CNTNAP4: variants seen among roughly 807,000 people sequenced by gnomAD.
CNTNAP4 encodes the protein contactin associated protein family member 4, also known as contactin-associated protein-like 4.
In CNTNAP4, 98 loss-of-function variants were observed where a neutral mutation model predicts 148.4. The ratio of observed to expected loss-of-function variants is 0.66; its 90% CI spans 0.56 to 0.78. The LOEUF is 0.78. Among genes scored for constraint, CNTNAP4 ranks in the 30% least tolerant of loss-of-function variants. The pLI is 0.00. For synonymous variants in CNTNAP4, 730 were observed against 565.1 expected, an observed-to-expected ratio of 1.29 and a Z score of -4.14; for missense variants, 1,935 against 1,565.6, an observed-to-expected ratio of 1.24 and a Z score of -3.98.
intron 1 of CNTNAP4, among the ~76,000 whole-genome samples, chr16:76,310,073 G>A (rs186161134): frequency 1.5e-4 from 23 of 151,936 alleles, no homozygotes; most frequent in Non-Finnish European, 3.1e-4. Context: ...CCTGTAGATA[G>A]TAGTTTGGCT....
At chr16:76,313,275 C>G (rs745489068) in intron 1 of CNTNAP4, among the ~76,000 whole-genome samples, 1 of 152,194 alleles carries the variant, frequency 6.6e-6, no homozygotes, top group Non-Finnish European at 1.5e-5. Flanking sequence ...CGATCTGAAT[C>G]TACATAATTG....
At chr16:76,329,104 A>G (rs931523324) in intron 2 of CNTNAP4, among the ~76,000 whole-genome samples, 1 of 152,268 alleles carries the variant, frequency 6.6e-6, no homozygotes, top group East Asian at 1.9e-4. Flanking sequence ...AAATGTCAAT[A>G]TGAAAAGAAT....
intron 3 of CNTNAP4, among the ~76,000 whole-genome samples, chr16:76,369,655 A>G (rs896026522): frequency 5.9e-5 from 9 of 152,224 alleles, no homozygotes; most frequent in African/African-American, 2.2e-4. Context: ...CAACCTGAGC[A>G]ACATAGTGAA....
chr16:76,387,847 T>C (rs1168620084), intron 3 of CNTNAP4, among the ~76,000 whole-genome samples: 4 of 152,196 alleles, frequency 2.6e-5, no homozygotes, highest in Non-Finnish European at 5.9e-5. Context: ...GCTCAATAAA[T>C]GTAAAGTGAT....
At chr16:76,470,349 A>G (rs559456625) in intron 10 of CNTNAP4, among the ~76,000 whole-genome samples, 1 of 151,688 alleles carries the variant, frequency 6.6e-6, no homozygotes, top group South Asian at 2.1e-4. Context: ...AAAAACAAGC[A>G]TTAACAGCCA....
chr16:76,384,829 T>C (rs1032285016), intron 3 of CNTNAP4, among the ~76,000 whole-genome samples: 2 of 152,196 alleles, frequency 1.3e-5, no homozygotes, highest in African/African-American at 4.8e-5. Flanking sequence ...TATAGCTCTG[T>C]TGTTTTATTT....
rs2080318290 is a variant in CNTNAP4 at position 76,448,127 on chromosome 16, T to C, written c.654T>C (p.Asp218=). The C allele has an allele frequency of 1.2e-6, 2 of 1,613,344 alleles. No homozygotes were observed. Among genetic ancestry groups the C allele is most frequent in the Non-Finnish European group, 8.5e-7 (1 of 1,179,468 alleles). Residue 218 remains aspartate, a synonymous_variant, in exon 5 of 24, where the codon GAT becomes GAC. Coordinates refer to ENST00000611870, the MANE Select transcript of CNTNAP4 (RefSeq NM_033401.5). The stretch of plus-strand genomic sequence containing the variant: ...TGAAATTCAAAACCATGCAGAGTGA[T>C]GGGATTCTACTCCACAGGGAAGGGC... The part of the protein sequence containing the change: ...ISLKFKTMQS[D]GILLHREGPN...
intron 2 of CNTNAP4, among the ~76,000 whole-genome samples, chr16:76,331,502 A>G (rs950162110): frequency 2.0e-5 from 3 of 148,388 alleles, no homozygotes; most frequent in African/African-American, 7.6e-5. Context: ...TTTTCTTTCA[A>G]GTTTTTTTTT....
intron 3 of CNTNAP4, among the ~76,000 whole-genome samples, chr16:76,411,913 GCC>G (rs1449347154): frequency 6.6e-6 from 1 of 151,256 alleles, no homozygotes; most frequent in African/African-American, 2.4e-5. Context: ...TGTTACGTAG[GCC>G]AAACATATTA....
chr16:76,422,663 C>G (rs1187967239), intron 3 of CNTNAP4, among the ~76,000 whole-genome samples: 1 of 152,094 alleles, frequency 6.6e-6, no homozygotes, highest in Non-Finnish European at 1.5e-5. Context: ...TAAATCCTTG[C>G]TCTGCCACTT....
intron 11 of CNTNAP4, 38 bp from the exon 12 acceptor site, chr16:76,479,381 T>C: frequency 5.3e-6 from 8 of 1,523,058 alleles, no homozygotes; most frequent in Non-Finnish European, 6.2e-6. Context: ...GAGATTCATT[T>C]CATGCTATTC....
chr16:76,528,960 C>T (rs1293845004), intron 17 of CNTNAP4, among the ~76,000 whole-genome samples: 2 of 152,144 alleles, frequency 1.3e-5, no homozygotes. Context: ...CTAATCTAAA[C>T]TGTAGGATGT....
intron 15 of CNTNAP4, among the ~76,000 whole-genome samples, chr16:76,511,482 A>G (rs1343121137): frequency 3.3e-5 from 5 of 152,166 alleles, no homozygotes; most frequent in Admixed American, 3.3e-4. Flanking sequence ...TTTCTCTTTC[A>G]TTTGACAGAG....
intron 1 of CNTNAP4, among the ~76,000 whole-genome samples, chr16:76,304,494 C>T (rs1189155051): frequency 6.6e-6 from 1 of 152,138 alleles, no homozygotes; most frequent in African/African-American, 2.4e-5. Context: ...ATGGCTGAGC[C>T]TGGAGCATCC....
At chr16:76,347,932 A>G (rs1194867294) in intron 2 of CNTNAP4, among the ~76,000 whole-genome samples, 1 of 152,120 alleles carries the variant, frequency 6.6e-6, no homozygotes, top group Non-Finnish European at 1.5e-5. Flanking sequence ...TTCTTGCAGT[A>G]TTGCAGTATT....
chr16:76,306,980 A>G (rs1483885442), intron 1 of CNTNAP4, among the ~76,000 whole-genome samples: 2 of 152,124 alleles, frequency 1.3e-5, no homozygotes, highest in South Asian at 2.1e-4. Flanking sequence ...CTGAATCCAG[A>G]CCCCATGTTT....
chr16:76,415,826 T>A (rs1461146885), intron 3 of CNTNAP4, among the ~76,000 whole-genome samples: 1 of 151,312 alleles, frequency 6.6e-6, no homozygotes, highest in East Asian at 1.9e-4. Context: ...ATATCTGGCA[T>A]TTTTCATTCT....
At chr16:76,460,253 A>G (rs1421417425) in intron 8 of CNTNAP4, among the ~76,000 whole-genome samples, 10 of 151,508 alleles carry the variant, frequency 6.6e-5, no homozygotes, top group Non-Finnish European at 1.5e-4. Flanking sequence ...GATCACAGGC[A>G]TGTGCCATCA....
intron 15 of CNTNAP4, among the ~76,000 whole-genome samples, chr16:76,517,482 C>T (rs1378383201): frequency 6.6e-6 from 1 of 152,172 alleles, no homozygotes; most frequent in Non-Finnish European, 1.5e-5. Flanking sequence ...GATTATTAAG[C>T]ATTCAGAAAG....
Sources: gnomAD v4.1 joint callset for allele counts (sites outside exome capture counted in the v4.1 genomes callset) on GRCh38, gnomAD v4.1.1 for gene constraint, MANE v1.5 for transcripts, NCBI Gene and HGNC (gene_info 2026-07-23, HGNC 2026-07-21) for gene names.